The following ANKFN1 variants were observed in gnomAD, a reference collection of about 807,000 sequenced individuals.
ANKFN1 encodes the protein ankyrin repeat and fibronectin type-III domain-containing protein 1.
ANKFN1 carries 74 observed loss-of-function variants against 108.7 expected under a neutral mutation model. That is an observed-to-expected ratio of 0.68 (90% confidence interval 0.56 to 0.83). The LOEUF (loss-of-function observed/expected upper bound fraction) is 0.83, where lower values mean the gene tolerates loss of function less well. Among genes scored for constraint, ANKFN1 ranks in the 40% least tolerant of loss-of-function variants. The probability of loss-of-function intolerance (pLI) is 0.00; values close to 1 mark genes in which losing one functional copy is unlikely to be tolerated. For synonymous variants in ANKFN1, 547 were observed against 516.2 expected (o/e 1.06, Z -0.81); for missense variants, 1,505 against 1,382.3 (o/e 1.09, Z -1.41).
intron 4 of ANKFN1, among the ~76,000 whole-genome samples, chr17:56,085,180 C>CATATATATATATATATATATATAT (rs10572105): frequency 5.9e-4 from 81 of 137,738 alleles, no homozygotes; most frequent in African/African-American, 2.2e-3. Context: ...CCCTCCAAAG[C>CATATATATATATATATATATATAT]ATATATATAT....
intron 1 of ANKFN1, among the ~76,000 whole-genome samples, chr17:56,163,624 G>C (rs1034914505): frequency 1.3e-5 from 2 of 152,224 alleles, no homozygotes; most frequent in African/African-American, 4.8e-5. Flanking sequence ...GGAACTGAGA[G>C]GTAGCTTACT....
chr17:56,256,363 T>C (rs192028082), intron 3 of ANKFN1, among the ~76,000 whole-genome samples: 89 of 152,332 alleles, frequency 5.8e-4, no homozygotes, highest in East Asian at 5.4e-3. Flanking sequence ...ATTTTCCTCA[T>C]GGCAGACAAA....
At chr17:56,224,590 A>G (rs1158151207) in intron 2 of ANKFN1, 1 of 152,188 alleles carries the variant, frequency 6.6e-6, no homozygotes, top group African/African-American at 2.4e-5. Flanking sequence ...AGCATAGAAC[A>G]CTCAGAAATT....
At chr17:56,453,939 A>G (rs559513935) in intron 11 of ANKFN1, among the ~76,000 whole-genome samples, 7 of 152,092 alleles carry the variant, frequency 4.6e-5, no homozygotes, top group South Asian at 4.1e-4. Flanking sequence ...TTTGACTCCA[A>G]TGTTCTAAAA....
chr17:56,185,121 CT>C (rs1249565379), intron 1 of ANKFN1: 1 of 152,138 alleles, frequency 6.6e-6, no homozygotes, highest in South Asian at 2.1e-4. Context: ...CTTGTACCAC[CT>C]TGAAACCCTG....
chr17:56,236,730 G>A (rs1368913673), intron 3 of ANKFN1, among the ~76,000 whole-genome samples: 1 of 152,044 alleles, frequency 6.6e-6, no homozygotes, highest in East Asian at 1.9e-4. Context: ...ATACTATTAG[G>A]TTGGTGCAAA....
chr17:56,513,983 C>T lies in ANKFN1; in HGVS notation c.*2714C>T, dbSNP rs1165354760. On this transcript the variant is annotated 3_prime_UTR_variant, in exon 21 of 21. Coordinates refer to ENST00000682825, the MANE Select transcript of ANKFN1 (RefSeq NM_001370326.1). ...AGAGACAACTGTGTTCTCTAATTCACAGTCCTTTATTCATTTGGCCGACCT... is the reference window on the plus strand; with the variant it reads ...AGAGACAACTGTGTTCTCTAATTCATAGTCCTTTATTCATTTGGCCGACCT... 2.0e-5 allele frequency among the ~76,000 whole-genome samples: 3 copies of T among 152,188 alleles called. No individual in the cohort carries two copies. Among genetic ancestry groups the T allele is most frequent in the Admixed American group, 1.3e-4 (2 of 15,284 alleles).
chr17:56,102,386 T>A (rs1257852993), intron 4 of ANKFN1, among the ~76,000 whole-genome samples: 1 of 152,244 alleles, frequency 6.6e-6, no homozygotes, highest in Non-Finnish European at 1.5e-5. Flanking sequence ...AGGTGACATT[T>A]GTCATAAATA....
At chr17:56,507,007 A>G (rs972983497) in intron 20 of ANKFN1, among the ~76,000 whole-genome samples, 2 of 152,250 alleles carry the variant, frequency 1.3e-5, no homozygotes, top group Non-Finnish European at 2.9e-5. Flanking sequence ...CTAGGTAAAT[A>G]TCAGATATTG....
At chr17:56,263,981 A>C (rs2043584967) in intron 3 of ANKFN1, among the ~76,000 whole-genome samples, 1 of 152,166 alleles carries the variant, frequency 6.6e-6, no homozygotes, top group South Asian at 2.1e-4. Context: ...AAAGAGAGCA[A>C]AGAAAGGAGG....
At chr17:56,156,800 A>G (rs781404421) in intron 1 of ANKFN1, among the ~76,000 whole-genome samples, 1 of 152,180 alleles carries the variant, frequency 6.6e-6, no homozygotes, top group South Asian at 2.1e-4. Flanking sequence ...CTGTTTTTAT[A>G]AATAATGTTT....
intron 4 of ANKFN1, among the ~76,000 whole-genome samples, chr17:56,107,186 C>T (rs193118743): frequency 6.6e-6 from 1 of 152,252 alleles, no homozygotes; most frequent in Admixed American, 6.5e-5. Flanking sequence ...GGAGTTTGGG[C>T]GCTGGCTGGG....
chr17:56,316,887 T>C (rs2045223727), intron 3 of ANKFN1, among the ~76,000 whole-genome samples: 1 of 152,182 alleles, frequency 6.6e-6, no homozygotes, highest in African/African-American at 2.4e-5. Flanking sequence ...GTTGGCTTTC[T>C]CTGAAGAAAA....
chr17:56,390,183 G>A (rs1042652920), intron 8 of ANKFN1, among the ~76,000 whole-genome samples: 13 of 151,888 alleles, frequency 8.6e-5, no homozygotes, highest in African/African-American at 2.7e-4. Flanking sequence ...TTGTCCTATT[G>A]CTCTCCCTCC....
chr17:56,427,740 A>G (rs1189695391), intron 8 of ANKFN1, among the ~76,000 whole-genome samples: 1 of 152,136 alleles, frequency 6.6e-6, no homozygotes, highest in Non-Finnish European at 1.5e-5. Context: ...AGACCTCAAA[A>G]TGGCTATTAA....
chr17:56,403,660 G>A (rs911285652), intron 8 of ANKFN1, among the ~76,000 whole-genome samples: 3 of 152,122 alleles, frequency 2.0e-5, no homozygotes, highest in African/African-American at 7.2e-5. Flanking sequence ...TGTTAGTATT[G>A]AAATATGGGG....
intron 4 of ANKFN1, among the ~76,000 whole-genome samples, chr17:56,099,716 T>C (rs895460425): frequency 1.3e-5 from 2 of 152,172 alleles, no homozygotes; most frequent in African/African-American, 4.8e-5. Context: ...ACCAACAAGA[T>C]TAAAGAAAGT....
At chr17:56,144,185 A>AAT (rs1555600058) in intron 4 of ANKFN1, among the ~76,000 whole-genome samples, 2 of 99,242 alleles carry the variant, frequency 2.0e-5, no homozygotes, top group Admixed American at 1.0e-4. Context: ...AAAAAAAAAA[A>AAT]CAGCCCAAAC....
At chr17:56,316,208 C>T (rs1020292731) in intron 3 of ANKFN1, among the ~76,000 whole-genome samples, 2 of 152,146 alleles carry the variant, frequency 1.3e-5, no homozygotes, top group Admixed American at 6.5e-5. Flanking sequence ...CACAGTTATG[C>T]GTCTTTATTA....
Sources: gnomAD v4.1 joint callset for allele counts (sites outside exome capture counted in the v4.1 genomes callset) on GRCh38, gnomAD v4.1.1 for gene constraint, MANE v1.5 for transcripts, NCBI Gene and HGNC (gene_info 2026-07-23, HGNC 2026-07-21) for gene names.